The following CHST15 variants were observed in gnomAD, a reference collection of about 807,000 sequenced individuals.
CHST15 encodes B cell RAG associated protein (GALNAC4S-6ST).
CHST15 carries 30 observed loss-of-function variants against 53.6 expected under a neutral mutation model. The observed-to-expected ratio is 0.56, with a 90% confidence interval of 0.42 to 0.76. The LOEUF (loss-of-function observed/expected upper bound fraction) is 0.76. Ranked by LOEUF, CHST15 falls within the 30% of genes least tolerant of loss-of-function variation. The pLI, the probability that CHST15 is intolerant of heterozygous loss-of-function variation, is 0.00. For synonymous variants in CHST15, 296 were observed against 289.8 expected, an observed-to-expected ratio of 1.02 and a Z score of -0.22; for missense variants, 627 against 740.5, an observed-to-expected ratio of 0.85 and a Z score of 1.78.
rs1308635967 is a variant in CHST15, at chr10:124,036,751, T to G, written c.1190+1764A>C. On this transcript the variant is annotated intron_variant, in intron 5 of 7. Transcript: ENST00000435907. This position sits in a 1 kb window ranked among gnomAD's most constrained non-coding sequence, Gnocchi z 5.1. ...AAATAGTAGTTATCTAGGTGAGAAA[T>G]TAATAGTTTGAAAACAGTTTTCCAA... 1.3e-5 allele frequency among the ~76,000 whole-genome samples: 2 copies of G among 152,032 alleles called. No homozygotes were observed. Among genetic ancestry groups the G allele is most frequent in the African/African-American group, 4.8e-5 (2 of 41,358 alleles).
rs1946323838 is a variant in CHST15 at position 124,008,355 on chromosome 10, ACACGCGCG to A, written c.*1786_*1793del. ...CCCACACGTGCGCGTACACACACAC[ACACGCGCG>A]CACTGTACTGCAAATAAATATACAC... On this transcript the variant is annotated 3_prime_UTR_variant, in exon 8 of 8. Coordinates refer to ENST00000435907, the MANE Select transcript of CHST15 (RefSeq NM_001270764.2). 7.7e-6 allele frequency: 8 copies of A among 1,039,946 alleles called. No homozygotes were observed. The highest frequency in any genetic ancestry group is 9.2e-6 in the Non-Finnish European group (8 of 865,320). 64.4% of individuals were successfully genotyped at this position (1,039,946 alleles called of 1,614,324 possible).
chr10:124,038,784 A>G, intron 4 of CHST15, 113 bp from the exon 5 acceptor site: 1 of 1,120,628 alleles, frequency 8.9e-7, no homozygotes, highest in South Asian at 1.4e-5. Context: ...AAGCAGCGGG[A>G]GAGGCCAAGC....
rs1249449178 is a variant in CHST15 at position 124,046,178 on chromosome 10, A to T, written c.35T>A (p.Leu12Ter). ...RHCINCCIQL[L>*]PDGAHKQQVN... is the part of the protein sequence containing the mutation. ...CTGCTGCTTGTGTGCGCCGTCGGGT[A>T]ACAGCTGTATGCAGCAATTAATGCA... The change falls in exon 2 of 8, where the codon TTA becomes TAA. Residue 12 changes from leucine to a stop codon, truncating the protein, a stop_gained. Transcript: ENST00000435907. LOFTEE classifies it high-confidence loss of function. 6.2e-7 allele frequency: 1 copy of T among 1,612,886 alleles called. No individual in the cohort carries two copies.
At chr10:124,020,707 T>C in intron 6 of CHST15, 1 of 1,001,016 alleles carries the variant, frequency 1.0e-6, no homozygotes, top group Non-Finnish European at 1.2e-6. Flanking sequence ...ATCCCGGGGC[T>C]AAAAGGTGCT....
chr10:124,085,112 A>C, intron 1 of CHST15, among the ~76,000 whole-genome samples: 1 of 152,246 alleles, frequency 6.6e-6, no homozygotes, highest in East Asian at 1.9e-4. Context: ...ATTAATCCTC[A>C]GTAGACCCAT....
At chr10:124,037,867 C>T (rs143377920) in intron 5 of CHST15, among the ~76,000 whole-genome samples, 49 of 152,286 alleles carry the variant, frequency 3.2e-4, no homozygotes, top group African/African-American at 9.1e-4. Flanking sequence ...AGTTAAACCA[C>T]GTGGAGAAGC....
At chr10:124,091,363 G>T (rs1648418579) in intron 1 of CHST15, among the ~76,000 whole-genome samples, 1 of 152,192 alleles carries the variant, frequency 6.6e-6, no homozygotes, top group African/African-American at 2.4e-5. Context: ...GAAAGCGGGG[G>T]ATGGATAATG....
intron 1 of CHST15, among the ~76,000 whole-genome samples, chr10:124,079,003 T>C (rs983486526): frequency 2.0e-5 from 3 of 152,196 alleles, no homozygotes; most frequent in Admixed American, 6.5e-5. Context: ...CAAGAGATTA[T>C]GGGGACTCTG....
chr10:124,020,698 T>C (rs931422336), intron 6 of CHST15: 3 of 997,796 alleles, frequency 3.0e-6, no homozygotes, highest in Non-Finnish European at 2.4e-6. Flanking sequence ...TGGAAAACTA[T>C]CCCGGGGCTA....
At chr10:124,076,832 C>G (rs28637813) in intron 1 of CHST15, among the ~76,000 whole-genome samples, 40,877 of 151,574 alleles carry the variant, frequency 0.27, 5,670 homozygotes, top group Middle Eastern at 0.4. Context: ...GCCTCAGCCT[C>G]CCGAGGAGCT....
At chr10:124,034,563 A>C (rs1947350593) in intron 5 of CHST15, among the ~76,000 whole-genome samples, 1 of 150,262 alleles carries the variant, frequency 6.7e-6, no homozygotes, top group Admixed American at 6.6e-5. Flanking sequence ...CCTAACAGGG[A>C]CCCTGGCTTC....
At chr10:124,086,781 G>T (rs1046173783) in intron 1 of CHST15, among the ~76,000 whole-genome samples, 5 of 152,064 alleles carry the variant, frequency 3.3e-5, no homozygotes, top group Non-Finnish European at 5.9e-5. Flanking sequence ...AAATACTCAA[G>T]CCACCCAACC....
chr10:124,008,344 TACAC>T lies in CHST15; in HGVS notation c.*1801_*1804del, dbSNP rs376174591. ...AGACGCACTCACCCACACGTGCGCG[TACAC>T]ACACACACACGCGCGCACTGTACTG... On this transcript the variant is annotated 3_prime_UTR_variant, in exon 8 of 8. Transcript: ENST00000435907. 1.7e-5 allele frequency: 18 copies of T among 1,054,330 alleles called. No homozygotes were observed. The highest frequency in any genetic ancestry group is 1.7e-4 in the Admixed American group (3 of 18,132). 65.3% of individuals were successfully genotyped at this position (1,054,330 alleles called of 1,614,324 possible). A position where few individuals can be genotyped will look rare whatever the true frequency, so the allele number is the denominator to read the frequency against.
rs1181065685 is a variant in CHST15, at chr10:124,074,825, C to T, written c.-513+18644G>A. The stretch of plus-strand genomic sequence containing the variant: ...ACAGGACCTGGGCATGTCTCACTCG[C>T]CACTGCCTCCCAGCAGCCAGGGCTG... On this transcript the variant is annotated intron_variant, in intron 1 of 7. Coordinates refer to ENST00000435907, the MANE Select transcript of CHST15 (RefSeq NM_001270764.2). This position sits in a 1 kb window ranked among gnomAD's most constrained non-coding sequence, Gnocchi z 4.4. Among the ~76,000 whole-genome samples, 1 of 152,242 alleles carries T rather than the reference C, an allele frequency of 6.6e-6. No homozygotes were observed.
At chr10:124,026,462 G>A (rs939625345) in intron 5 of CHST15, among the ~76,000 whole-genome samples, 7 of 152,178 alleles carry the variant, frequency 4.6e-5, no homozygotes, top group African/African-American at 1.7e-4. Flanking sequence ...GTATCCACTG[G>A]ACGTCAAAAG....
At chr10:124,081,338 A>G (rs1949228945) in intron 1 of CHST15, among the ~76,000 whole-genome samples, 1 of 149,570 alleles carries the variant, frequency 6.7e-6, no homozygotes. Context: ...ATCCAGGTCC[A>G]TGCATGCACA....
chr10:124,008,231 CAAGTT>C lies in CHST15; in HGVS notation c.*1913_*1917del, dbSNP rs2133805343. On this transcript the variant is annotated 3_prime_UTR_variant, in exon 8 of 8. Transcript: ENST00000435907. ...ATAGTAAAATATGTACTGAAAATGA[CAAGTT>C]AATTGGCAGAGAAATTAATCTATAA... 2 of 1,220,170 alleles carry C rather than the reference CAAGTT, an allele frequency of 1.6e-6. No individual in the cohort carries two copies. Among genetic ancestry groups the C allele is most frequent in the South Asian group, 4.3e-5 (1 of 23,400 alleles). 75.6% of individuals were successfully genotyped at this position (1,220,170 alleles called of 1,614,324 possible). A position where few individuals can be genotyped will look rare whatever the true frequency, so the allele number is the denominator to read the frequency against.
chr10:124,049,793 GA>G (rs1479530743), intron 1 of CHST15, among the ~76,000 whole-genome samples: 3 of 152,200 alleles, frequency 2.0e-5, no homozygotes, highest in Non-Finnish European at 4.4e-5. Context: ...TACTGAACCT[GA>G]GGAGGTTGTG....
chr10:124,070,281 G>A (rs766306385), intron 1 of CHST15, among the ~76,000 whole-genome samples: 48 of 152,170 alleles, frequency 3.2e-4, no homozygotes, highest in Admixed American at 2.1e-3. Context: ...GCCCACCTAC[G>A]GGGATGTCAC....
Sources: gnomAD v4.1 joint callset for allele counts (sites outside exome capture counted in the v4.1 genomes callset) on GRCh38, gnomAD v4.1.1 for gene constraint, Gnocchi (gnomAD v3.1) non-coding constraint, MANE v1.5 for transcripts, NCBI Gene and HGNC (gene_info 2026-07-23, HGNC 2026-07-21) for gene names.